The following ABLIM3 variants were observed in gnomAD, a reference collection of about 807,000 sequenced individuals.
The protein encoded by ABLIM3 is actin binding LIM protein family member 3.
Under a neutral mutation model 109.5 loss-of-function variants are expected in ABLIM3, and 61 were observed. That is an observed-to-expected ratio of 0.56 (90% CI 0.45 to 0.69). The LOEUF (loss-of-function observed/expected upper bound fraction) is 0.69. ABLIM3 is among the 30% of genes least tolerant of loss of function. ABLIM3 has a pLI of 0.00. For synonymous variants in ABLIM3, 300 were observed against 324.8 expected, an observed-to-expected ratio of 0.92 and a Z score of 0.82; for missense variants, 796 against 889.5, an observed-to-expected ratio of 0.89 and a Z score of 1.34.
At chr5:149,205,558 G>A (rs987420151) in intron 5 of ABLIM3, among the ~76,000 whole-genome samples, 5 of 152,142 alleles carry the variant, frequency 3.3e-5, no homozygotes, top group Non-Finnish European at 5.9e-5. Flanking sequence ...CTGTCTATCT[G>A]TAAAAGAGAA....
intron 16 of ABLIM3, among the ~76,000 whole-genome samples, chr5:149,245,566 A>T (rs1753268161): frequency 6.8e-6 from 1 of 147,920 alleles, no homozygotes; most frequent in African/African-American, 2.4e-5. Flanking sequence ...TTGTTATCCT[A>T]AACAGTGAGT....
intron 2 of ABLIM3, among the ~76,000 whole-genome samples, chr5:149,171,685 C>T (rs771437274): frequency 6.6e-6 from 1 of 152,184 alleles, no homozygotes; most frequent in African/African-American, 2.4e-5. Flanking sequence ...ATGTGGACTT[C>T]GGGTTGAGAG....
intron 15 of ABLIM3, chr5:149,243,334 G>A (rs569217535): frequency 6.6e-6 from 1 of 152,256 alleles, no homozygotes; most frequent in Admixed American, 6.5e-5. Flanking sequence ...GTTCACTTTT[G>A]CAAAAAGTAC....
At chr5:149,150,429 G>A (rs1323577372) in intron 2 of ABLIM3, among the ~76,000 whole-genome samples, 2 of 152,196 alleles carry the variant, frequency 1.3e-5, no homozygotes, top group Admixed American at 6.5e-5. Flanking sequence ...TGAAGCAGTT[G>A]TTGACAGATG....
intron 3 of ABLIM3, among the ~76,000 whole-genome samples, chr5:149,187,113 C>T (rs112121260): frequency 7.9e-4 from 120 of 152,250 alleles, no homozygotes; most frequent in Middle Eastern, 3.4e-3. Flanking sequence ...GAGGTCCTGA[C>T]ATATATATCT....
chr5:149,217,160 T>C, intron 8 of ABLIM3, 114 bp downstream of exon 8: 1 of 1,051,388 alleles, frequency 9.5e-7, no homozygotes, highest in Non-Finnish European at 1.4e-6. Context: ...TCTTGGCTTT[T>C]GCCTTGTCCT....
chr5:149,240,688 G>C lies in ABLIM3; in HGVS notation c.1217G>C (p.Gly406Ala), dbSNP rs1292148709. Reference sequence around the variant, plus strand: ...CTGCGTGCTCCAGGGCCCGAGAGTGGCCGGAGCTCTCCATACCATAGCCAG... The same window carrying C: ...CTGCGTGCTCCAGGGCCCGAGAGTGCCCGGAGCTCTCCATACCATAGCCAG... ...HHYYRSGPES[G>A]RSSPYHSQLD... The change falls in exon 14 of 24, where the codon GGC becomes GCC. Residue 406 changes from glycine to alanine, a missense_variant. Physicochemically the swap from Gly to Ala is moderately conservative, Grantham distance 60. Transcript: ENST00000309868. The C allele has an allele frequency of 1.2e-6, 2 of 1,613,970 alleles. No homozygotes were observed. Among genetic ancestry groups the C allele is most frequent in the Non-Finnish European group, 1.7e-6 (2 of 1,179,988 alleles).
At chr5:149,235,489 C>G (rs1455271411) in intron 10 of ABLIM3, among the ~76,000 whole-genome samples, 3 of 152,180 alleles carry the variant, frequency 2.0e-5, no homozygotes, top group Non-Finnish European at 4.4e-5. Context: ...TAGGATGCCT[C>G]TGATCAATTG....
At chr5:149,216,201 A>G (rs1581152228) in intron 7 of ABLIM3, among the ~76,000 whole-genome samples, 1 of 152,222 alleles carries the variant, frequency 6.6e-6, no homozygotes, top group African/African-American at 2.4e-5. Context: ...CCAGTCTCAC[A>G]ATTTTTGCCA....
intron 6 of ABLIM3, among the ~76,000 whole-genome samples, chr5:149,209,461 G>A (rs908322462): frequency 1.3e-5 from 2 of 152,224 alleles, no homozygotes; most frequent in African/African-American, 2.4e-5. Flanking sequence ...TGATCTACCT[G>A]TAGGGTTGTG....
Position 149,210,721 on chromosome 5 carries a change from T to G in ABLIM3, c.576-5T>G. On this transcript the variant is annotated splice_polypyrimidine_tract_variant and splice_region_variant and intron_variant, in intron 6 of 23. Transcript: ENST00000309868. ...TCCTCATCCTATGTGAACTTCTTCT[T>G]GCAGGGATGGTGTTCCATACTGTGA... is the stretch of plus-strand genomic sequence containing the variant. 6.2e-7 allele frequency: 1 copy of G among 1,613,836 alleles called. No homozygotes were observed. The highest frequency in any genetic ancestry group is 8.5e-7 in the Non-Finnish European group (1 of 1,179,734).
intron 19 of ABLIM3, among the ~76,000 whole-genome samples, 192 bp downstream of exon 19, chr5:149,250,036 A>T (rs1347199792): frequency 6.6e-6 from 1 of 152,214 alleles, no homozygotes; most frequent in East Asian, 1.9e-4. Flanking sequence ...TAGGATTGCC[A>T]TCCCCAATAG....
intron 2 of ABLIM3, among the ~76,000 whole-genome samples, chr5:149,181,190 C>G (rs943074369): frequency 6.6e-6 from 1 of 151,992 alleles, no homozygotes; most frequent in African/African-American, 2.4e-5. Flanking sequence ...ATTTTTCTCA[C>G]AAATTCAGGG....
chr5:149,256,787 G>A (rs1448103528), intron 23 of ABLIM3, among the ~76,000 whole-genome samples: 2 of 152,220 alleles, frequency 1.3e-5, no homozygotes, highest in Non-Finnish European at 2.9e-5. Context: ...ACAGGATCTG[G>A]ATAGTGGACA....
Position 149,210,804 on chromosome 5 carries a change from T to C in ABLIM3, c.654T>C (p.Ser218=). ...GTGAGACTTGTGACCGATACATCAGTGGCAGAGTCTTGGAGGTGAGTGGGT... is the reference window on the plus strand; with the variant it reads ...GTGAGACTTGTGACCGATACATCAGCGGCAGAGTCTTGGAGGTGAGTGGGT... ...IKCETCDRYI[S]GRVLEAGGKH... Residue 218 remains serine (S), a synonymous_variant, in exon 7 of 24, where the codon AGT becomes AGC. Transcript: ENST00000309868. The C allele has an allele frequency of 6.2e-7, 1 of 1,614,148 alleles. No individual in the cohort carries two copies. The highest frequency in any genetic ancestry group is 1.6e-4 in the Middle Eastern group (1 of 6,062).
intron 5 of ABLIM3, among the ~76,000 whole-genome samples, chr5:149,204,888 G>C (rs965083603): frequency 9.2e-5 from 14 of 152,146 alleles, no homozygotes; most frequent in African/African-American, 3.4e-4. Flanking sequence ...TTAACTCAAG[G>C]GGTTAAATTT....
intron 9 of ABLIM3, among the ~76,000 whole-genome samples, chr5:149,231,018 A>G (rs1260551800): frequency 6.6e-6 from 1 of 152,174 alleles, no homozygotes; most frequent in Non-Finnish European, 1.5e-5. Flanking sequence ...AGCTCTCGCC[A>G]TGGTTTTTCC....
chr5:149,161,780 A>G lies in ABLIM3; in HGVS notation c.13+19672A>G, dbSNP rs375201143. Among the ~76,000 whole-genome samples, 3 of 152,238 alleles carry G rather than the reference A, an allele frequency of 2.0e-5. No individual in the cohort carries two copies. In the South Asian group the frequency reaches 6.2e-4, roughly 32 times the overall value. On this transcript the variant is annotated intron_variant, in intron 2 of 23. Coordinates refer to ENST00000309868, the MANE Select transcript of ABLIM3 (RefSeq NM_014945.5). ...GAATCTCTTGGGGTTTCTTGAATTTAATTGTAATAGTCATTTTTTCTGCCA... is the reference window on the plus strand; with the variant it reads ...GAATCTCTTGGGGTTTCTTGAATTTGATTGTAATAGTCATTTTTTCTGCCA...
chr5:149,192,502 T>G (rs776256546), intron 3 of ABLIM3, among the ~76,000 whole-genome samples: 1 of 151,736 alleles, frequency 6.6e-6, no homozygotes, highest in Non-Finnish European at 1.5e-5. Context: ...ACGGGGCGCC[T>G]GTAGTCCCAG....
Sources: gnomAD v4.1 joint callset for allele counts (sites outside exome capture counted in the v4.1 genomes callset) on GRCh38, gnomAD v4.1.1 for gene constraint, MANE v1.5 for transcripts, NCBI Gene and HGNC (gene_info 2026-07-23, HGNC 2026-07-21) for gene names.